AP1G1: variants seen among roughly 807,000 people sequenced by gnomAD.
The protein encoded by AP1G1 is AP-1 complex subunit gamma-1.
Under a neutral mutation model 108.3 loss-of-function variants are expected in AP1G1, and 7 were observed. The observed-to-expected ratio is 0.06, with a 90% CI of 0.04 to 0.12. The LOEUF (loss-of-function observed/expected upper bound fraction) is 0.12. Ranked by LOEUF, AP1G1 falls within the 10% of genes least tolerant of loss-of-function variation. The pLI, the probability that AP1G1 is intolerant of heterozygous loss-of-function variation, is 1.00. For missense variants in AP1G1, 756 were observed against 1,010.7 expected (o/e 0.75, Z 3.42); for synonymous variants, 379 against 353.5 (o/e 1.07, Z -0.81).
At position 71,730,985 on chromosome 16, in the gene AP1G1, A is replaced by G. The variant is rs1264997434; in HGVS notation, c.*2073T>C. 1 of 152,426 alleles carries G rather than the reference A, an allele frequency of 6.6e-6. No homozygotes were observed. The highest frequency in any genetic ancestry group is 1.5e-5 in the Non-Finnish European group (1 of 68,036). The allele number at this position is 152,426 out of a possible 1,614,324, so 9.4% of individuals were successfully genotyped here. A position where few individuals can be genotyped will look rare whatever the true frequency, so the allele number is the denominator to read the frequency against. Reference sequence around the variant, plus strand: ...ACCTGAGCTGGTTAGCTACAAATATAAGAGAGAAAATAAAGCCTCTACACA... The same window carrying G: ...ACCTGAGCTGGTTAGCTACAAATATGAGAGAGAAAATAAAGCCTCTACACA... On this transcript the variant is annotated 3_prime_UTR_variant, in exon 23 of 23. Transcript: ENST00000299980.
At position 71,768,032 on chromosome 16, in the gene AP1G1, T is replaced by C. The variant is rs890433561; in HGVS notation, c.642+1591A>G. Reference sequence around the variant, plus strand: ...AAAAAAAGCCAAAAAAGAACTCCTGTTAGAGCCTTACTAGATCTAAAGTAC... The same window carrying C: ...AAAAAAAGCCAAAAAAGAACTCCTGCTAGAGCCTTACTAGATCTAAAGTAC... On this transcript the variant is annotated intron_variant, in intron 6 of 22. Transcript: ENST00000299980. The C allele has an allele frequency of 1.4e-5, 11 of 782,796 alleles. No individual in the cohort carries two copies. The African/African-American group carries it at 1.9e-4, about 14-fold the overall frequency. 48.5% of individuals were successfully genotyped at this position (782,796 alleles called of 1,614,324 possible).
At chr16:71,763,749 T>C (rs912596932) in intron 9 of AP1G1, among the ~76,000 whole-genome samples, 2 of 152,222 alleles carry the variant, frequency 1.3e-5, no homozygotes, top group African/African-American at 4.8e-5. Context: ...AATATTATAC[T>C]CTAGTAAATT....
chr16:71,777,622 T>C, intron 2 of AP1G1: 1 of 435,322 alleles, frequency 2.3e-6, no homozygotes, highest in Non-Finnish European at 4.8e-6. Context: ...TGCCCCATTC[T>C]GTCTTCTACT....
intron 1 of AP1G1, among the ~76,000 whole-genome samples, chr16:71,799,775 T>C (rs919190456): frequency 6.6e-6 from 1 of 151,858 alleles, no homozygotes; most frequent in African/African-American, 2.4e-5. Flanking sequence ...GACAGGTGCC[T>C]GCAGTCCCAG....
chr16:71,760,215 T>A (rs1314211286), intron 10 of AP1G1, among the ~76,000 whole-genome samples: 2 of 141,582 alleles, frequency 1.4e-5, no homozygotes, highest in Non-Finnish European at 3.0e-5. Flanking sequence ...GGTGCCACAA[T>A]AATTATTTCC....
At chr16:71,794,864 T>TTTTTTTTTA (rs71153663) in intron 1 of AP1G1, among the ~76,000 whole-genome samples, 1 of 121,334 alleles carries the variant, frequency 8.2e-6, no homozygotes, top group Non-Finnish European at 1.7e-5. Flanking sequence ...TTTTTTTTTT[T>TTTTTTTTTA]ACTTTGAAAT....
chr16:71,783,194 T>G (rs1267916898), intron 2 of AP1G1, among the ~76,000 whole-genome samples: 1 of 152,156 alleles, frequency 6.6e-6, no homozygotes, highest in Non-Finnish European at 1.5e-5. Context: ...GTGGCTATTA[T>G]CATCACTTAT....
rs914448581 is a variant in AP1G1 at position 71,731,653 on chromosome 16, T to G, written c.*1405A>C. 2 of 152,572 alleles carry G rather than the reference T, an allele frequency of 1.3e-5. No homozygotes were observed. Among genetic ancestry groups the G allele is most frequent in the African/African-American group, 2.4e-5 (1 of 41,456 alleles). The allele number at this position is 152,572 out of a possible 1,614,324, so 9.5% of individuals were successfully genotyped here. The stretch of plus-strand genomic sequence containing the variant: ...CATTCCAGCAACTCAATTTCAAAGT[T>G]TGATAACATATGGGTCCTTTCTAAA... On this transcript the variant is annotated 3_prime_UTR_variant, in exon 23 of 23. Transcript: ENST00000299980.
At chr16:71,773,130 T>G in intron 4 of AP1G1, 91 bp downstream of exon 4, 1 of 1,407,150 alleles carries the variant, frequency 7.1e-7, no homozygotes, top group Non-Finnish European at 9.9e-7. Context: ...GACTTTACAT[T>G]ATCATCAGAT....
intron 6 of AP1G1, among the ~76,000 whole-genome samples, chr16:71,768,643 C>T (rs544993648): frequency 2.6e-4 from 39 of 151,346 alleles, no homozygotes; most frequent in Middle Eastern, 3.4e-3. Flanking sequence ...GAGCTGGGCG[C>T]GGTGGCTCAC....
intron 13 of AP1G1, among the ~76,000 whole-genome samples, chr16:71,750,847 A>AT (rs1443822587): frequency 6.6e-6 from 1 of 151,898 alleles, no homozygotes; most frequent in East Asian, 1.9e-4. Context: ...ATTTTATTTT[A>AT]TTTTTAAAAA....
chr16:71,782,483 TTATTA>T (rs889804981), intron 2 of AP1G1, among the ~76,000 whole-genome samples: 7 of 149,760 alleles, frequency 4.7e-5, no homozygotes, highest in Non-Finnish European at 8.9e-5. Context: ...ATTATTATTA[TTATTA>T]TTTTTATTAT....
intron 1 of AP1G1, among the ~76,000 whole-genome samples, chr16:71,795,389 C>T (rs2032549244): frequency 6.6e-6 from 1 of 152,172 alleles, no homozygotes; most frequent in Non-Finnish European, 1.5e-5. Context: ...TGAGAAAAGA[C>T]CCAAGCAAAT....
intron 15 of AP1G1, among the ~76,000 whole-genome samples, chr16:71,749,396 T>A (rs1052549991): frequency 2.0e-5 from 3 of 151,534 alleles, no homozygotes; most frequent in African/African-American, 7.3e-5. Flanking sequence ...GGTGGGAAGA[T>A]CGCTTGAAAC....
intron 13 of AP1G1, 58 bp from the exon 14 acceptor site, chr16:71,750,390 G>A: frequency 1.3e-6 from 2 of 1,587,836 alleles, no homozygotes; most frequent in Admixed American, 1.7e-5. Flanking sequence ...GATAACAAGT[G>A]TTAGCTATTA....
intron 7 of AP1G1, among the ~76,000 whole-genome samples, chr16:71,765,251 T>C (rs2031266495): frequency 6.6e-6 from 1 of 152,180 alleles, no homozygotes; most frequent in East Asian, 1.9e-4. Flanking sequence ...CACTTGACCC[T>C]GGGAGGTCGA....
At chr16:71,773,390 C>A (rs746124987) in intron 3 of AP1G1, 28 bp from the exon 4 acceptor site, 1 of 1,481,284 alleles carries the variant, frequency 6.8e-7, no homozygotes, top group Non-Finnish European at 8.9e-7. Flanking sequence ...AAGGTAGGAA[C>A]AAGCCTGGTG....
Position 71,731,698 on chromosome 16 carries a change from T to C in AP1G1, c.*1360A>G, listed in dbSNP as rs1484522903. The C allele has an allele frequency of 6.6e-6, 1 of 152,626 alleles. No homozygotes were observed. Among genetic ancestry groups the C allele is most frequent in the Non-Finnish European group, 1.5e-5 (1 of 68,036 alleles). 9.5% of individuals were successfully genotyped at this position (152,626 alleles called of 1,614,324 possible). A position where few individuals can be genotyped will look rare whatever the true frequency, so the allele number is the denominator to read the frequency against. On this transcript the variant is annotated 3_prime_UTR_variant, in exon 23 of 23. Coordinates refer to ENST00000299980, the MANE Select transcript of AP1G1 (RefSeq NM_001128.6). ...TCTAAAAAGCACTTGGCACTCTCAC[T>C]AGTTTAAAAAGCTCAAGTCTTTGAT...
intron 2 of AP1G1, among the ~76,000 whole-genome samples, chr16:71,779,829 G>A (rs1567657392): frequency 1.3e-5 from 2 of 151,926 alleles, no homozygotes; most frequent in African/African-American, 2.4e-5. Context: ...TTTCGCACAC[G>A]GTCAGATGCA....
Sources: allele counts gnomAD v4.1 joint callset (sites outside exome capture counted in the v4.1 genomes callset), GRCh38; gene constraint gnomAD v4.1.1; transcripts MANE v1.5; gene names NCBI Gene and HGNC (gene_info 2026-07-23, HGNC 2026-07-21).